Variants in RBPMS2 observed in about 807,000 individuals in gnomAD.
RBPMS2 encodes the protein RNA-binding protein with multiple splicing 2.
RBPMS2 carries 14 observed loss-of-function variants against 25.7 expected under a neutral mutation model. The observed-to-expected ratio is 0.55, with a 90% CI of 0.36 to 0.85. The LOEUF (loss-of-function observed/expected upper bound fraction) is 0.85. RBPMS2 is among the 40% of genes least tolerant of loss of function. The probability of loss-of-function intolerance (pLI) is 0.01; values close to 1 mark genes in which losing one functional copy is unlikely to be tolerated. For synonymous variants in RBPMS2, 127 were observed against 115.6 expected (o/e 1.10, Z -0.63); for missense variants, 252 against 283.4 (o/e 0.89, Z 0.80).
intron 1 of RBPMS2, among the ~76,000 whole-genome samples, chr15:64,768,747 T>C (rs1231008782): frequency 6.7e-6 from 1 of 148,636 alleles, no homozygotes; most frequent in African/African-American, 2.5e-5. Flanking sequence ...CTGTGAGCTA[T>C]GATCATGCCA....
Position 64,740,522 on chromosome 15 carries a change from G to C in RBPMS2, c.*486C>G, listed in dbSNP as rs1362869381. 1 of 150,122 alleles carries C rather than the reference G, an allele frequency of 6.7e-6. No homozygotes were observed. The highest frequency in any genetic ancestry group is 1.5e-5 in the Non-Finnish European group (1 of 67,774). 9.3% of individuals were successfully genotyped at this position (150,122 alleles called of 1,614,324 possible). Reference sequence around the variant, plus strand: ...GCCTCCCTGAAGCGGGGTGGGTGCAGGGGCGGGGCGAGGAGAGAGGGGCAG... The same window carrying C: ...GCCTCCCTGAAGCGGGGTGGGTGCACGGGCGGGGCGAGGAGAGAGGGGCAG... On this transcript the variant is annotated 3_prime_UTR_variant, in exon 8 of 8. Coordinates refer to ENST00000300069, the MANE Select transcript of RBPMS2 (RefSeq NM_194272.3).
intron 1 of RBPMS2, among the ~76,000 whole-genome samples, chr15:64,751,922 C>T (rs1017564233): frequency 6.6e-6 from 1 of 152,032 alleles, no homozygotes; most frequent in African/African-American, 2.4e-5. Context: ...AAAAGAAAGC[C>T]CTGTTTGATA....
At chr15:64,742,809 T>C (rs2083575274) in intron 6 of RBPMS2, among the ~76,000 whole-genome samples, 1 of 152,186 alleles carries the variant, frequency 6.6e-6, no homozygotes, top group African/African-American at 2.4e-5. Context: ...CAGACCCAGT[T>C]ACCCACTTGG....
At chr15:64,752,457 A>C (rs543759159) in intron 1 of RBPMS2, among the ~76,000 whole-genome samples, 2 of 152,218 alleles carry the variant, frequency 1.3e-5, no homozygotes, top group East Asian at 3.9e-4. Flanking sequence ...CAATGTCAAG[A>C]AACACCTTAT....
At chr15:64,745,790 C>T (rs958566990) in intron 6 of RBPMS2, among the ~76,000 whole-genome samples, 7 of 152,198 alleles carry the variant, frequency 4.6e-5, no homozygotes, top group African/African-American at 1.7e-4. Context: ...AGGACCCCTC[C>T]TGCAGGTCTG....
chr15:64,749,621 G>A (rs1415474317), intron 3 of RBPMS2, 128 bp from the exon 4 acceptor site: 6 of 791,512 alleles, frequency 7.6e-6, no homozygotes, highest in Middle Eastern at 3.4e-4. Context: ...GAATACAAAA[G>A]GAAAAAAAGC....
chr15:64,767,829 C>A (rs12899738), intron 1 of RBPMS2, among the ~76,000 whole-genome samples: 2 of 152,102 alleles, frequency 1.3e-5, no homozygotes, highest in Non-Finnish European at 2.9e-5. Context: ...ACCATCACAC[C>A]CAGCTACTTT....
In RBPMS2 at chr15:64,775,269, G is replaced by GCCCGCGCCGGAT. The variant is rs2083922527; in HGVS notation, c.50_51insATCCGGCGCGGG (p.Ala20_Gly23dup). On this transcript the variant is annotated inframe_insertion, in exon 1 of 8. Coordinates refer to ENST00000300069, the MANE Select transcript of RBPMS2 (RefSeq NM_194272.3). Reference sequence around the variant, plus strand: ...GGGCGCCGCCGGAGCCCGCGCCGGAGCCGGTGCCGGTGCTGCCGCCGTGCT... The same window carrying GCCCGCGCCGGAT: ...GGGCGCCGCCGGAGCCCGCGCCGGAGCCCGCGCCGGATCCGGTGCCGGTGCTGCCGCCGTGCT... 2 of 1,344,604 alleles carry GCCCGCGCCGGAT rather than the reference G, an allele frequency of 1.5e-6. No individual in the cohort carries two copies. Among genetic ancestry groups the GCCCGCGCCGGAT allele is most frequent in the Non-Finnish European group, 1.9e-6 (2 of 1,041,592 alleles). The allele number at this position is 1,344,604 out of a possible 1,614,324, so 83.3% of individuals were successfully genotyped here.
At chr15:64,761,457 G>C (rs1406374418) in intron 1 of RBPMS2, among the ~76,000 whole-genome samples, 1 of 152,212 alleles carries the variant, frequency 6.6e-6, no homozygotes, top group African/African-American at 2.4e-5. Flanking sequence ...CCCAGCTCAC[G>C]AGTCAATGCT....
intron 1 of RBPMS2, among the ~76,000 whole-genome samples, chr15:64,772,743 G>C (rs1005073296): frequency 2.0e-5 from 3 of 152,110 alleles, no homozygotes; most frequent in African/African-American, 7.2e-5. Flanking sequence ...TCTCTCAGGA[G>C]CACCATGGTA....
chr15:64,757,205 CAG>C (rs1332952032), intron 1 of RBPMS2, among the ~76,000 whole-genome samples: 5 of 151,532 alleles, frequency 3.3e-5, no homozygotes, highest in African/African-American at 1.2e-4. Flanking sequence ...CTCCTGGGCT[CAG>C]AGAATCCTTC....
At chr15:64,745,292 T>C (rs1467052827) in intron 6 of RBPMS2, among the ~76,000 whole-genome samples, 1 of 152,176 alleles carries the variant, frequency 6.6e-6, no homozygotes, top group Non-Finnish European at 1.5e-5. Context: ...CCTGTTTTTT[T>C]CCATAAATGC....
intron 1 of RBPMS2, among the ~76,000 whole-genome samples, chr15:64,774,843 C>G (rs909801175): frequency 6.6e-6 from 1 of 151,472 alleles, no homozygotes; most frequent in Non-Finnish European, 1.5e-5. Flanking sequence ...TCCGTGCCGC[C>G]GAGGCGGGGT....
intron 1 of RBPMS2, among the ~76,000 whole-genome samples, chr15:64,763,720 G>C (rs1314964314): frequency 6.6e-6 from 1 of 151,892 alleles, no homozygotes; most frequent in African/African-American, 2.4e-5. Context: ...CAGTGGCAGA[G>C]CTGAGGCTTA....
chr15:64,774,066 A>G (rs1332366170), intron 1 of RBPMS2, among the ~76,000 whole-genome samples: 1 of 152,200 alleles, frequency 6.6e-6, no homozygotes, highest in Admixed American at 6.5e-5. Context: ...TGAATAGCCG[A>G]GTGGGAGCTG....
chr15:64,751,817 A>C (rs2141061855), intron 1 of RBPMS2, among the ~76,000 whole-genome samples, 179 bp from the exon 2 acceptor site: 1 of 152,196 alleles, frequency 6.6e-6, no homozygotes, highest in South Asian at 2.1e-4. Context: ...AATTTCTCAA[A>C]GCCCTTTCCT....
intron 1 of RBPMS2, among the ~76,000 whole-genome samples, chr15:64,755,363 T>C (rs2083723617): frequency 6.6e-6 from 1 of 152,064 alleles, no homozygotes; most frequent in Admixed American, 6.5e-5. Context: ...AGATGCTCTG[T>C]GGGGAGCAGT....
At chr15:64,749,224 G>T in intron 4 of RBPMS2, 74 bp from the exon 5 acceptor site, 2 of 1,561,932 alleles carry the variant, frequency 1.3e-6, no homozygotes, top group Non-Finnish European at 1.8e-6. Flanking sequence ...GAGTAGAGAA[G>T]GGCGCCATAA....
At chr15:64,747,909 C>T (rs1349697065) in intron 6 of RBPMS2, among the ~76,000 whole-genome samples, 1 of 152,204 alleles carries the variant, frequency 6.6e-6, no homozygotes, top group Admixed American at 6.5e-5. Context: ...CTCTAGGTTA[C>T]ATCCTAGCAC....
Sources: gnomAD v4.1 joint callset for allele counts (sites outside exome capture counted in the v4.1 genomes callset) on GRCh38, gnomAD v4.1.1 for gene constraint, MANE v1.5 for transcripts, NCBI Gene and HGNC (gene_info 2026-07-23, HGNC 2026-07-21) for gene names.